Variants in CTNNA3 observed in about 807,000 individuals in gnomAD.
CTNNA3 encodes the protein catenin alpha-3.
Under a neutral mutation model 95.7 loss-of-function variants are expected in CTNNA3, and 76 were observed. That is an observed-to-expected ratio of 0.79 (90% CI 0.66 to 0.96). The LOEUF (loss-of-function observed/expected upper bound fraction) is 0.96, where lower values mean the gene tolerates loss of function less well. Ranked by LOEUF, CTNNA3 falls within the 40% of genes least tolerant of loss-of-function variation. The pLI is 0.00. For synonymous variants in CTNNA3, 431 were observed against 374.4 expected (o/e 1.15, Z -1.74); for missense variants, 1,191 against 1,089.8 (o/e 1.09, Z -1.31).
intron 5 of CTNNA3, among the ~76,000 whole-genome samples, chr10:67,408,230 G>T (rs1291397142): frequency 6.6e-6 from 1 of 152,156 alleles, no homozygotes; most frequent in East Asian, 1.9e-4. Context: ...TACAGAAATA[G>T]AATAAAATAT....
Position 66,807,019 on chromosome 10 carries a change from C to T in CTNNA3, c.1048-31495G>A, listed in dbSNP as rs183946640. Among the ~76,000 whole-genome samples, 59 of 151,886 alleles carry T rather than the reference C, an allele frequency of 3.9e-4. No homozygotes were observed. The Middle Eastern group carries it at 0.01, about 26-fold the overall frequency. ...GATGAAAGCTAATCAAAATGACAAA[C>T]GCTAATCAATGTAGGCAGAAAGGGC... is the stretch of plus-strand genomic sequence containing the variant. On this transcript the variant is annotated intron_variant, in intron 7 of 17. Coordinates refer to ENST00000433211, the MANE Select transcript of CTNNA3 (RefSeq NM_013266.4).
chr10:65,961,435 G>A (rs553202960), intron 17 of CTNNA3, among the ~76,000 whole-genome samples: 14 of 152,144 alleles, frequency 9.2e-5, no homozygotes, highest in East Asian at 1.9e-4. Context: ...TAATTTTGCC[G>A]GTTGCATCCT....
At chr10:66,224,232 T>A (rs1462828) in intron 13 of CTNNA3, among the ~76,000 whole-genome samples, 2 of 151,716 alleles carry the variant, frequency 1.3e-5, no homozygotes, top group Admixed American at 6.6e-5. Context: ...CCAATTTCTC[T>A]TAATAAATCT....
At chr10:66,345,830 C>T (rs1025856996) in intron 12 of CTNNA3, among the ~76,000 whole-genome samples, 1 of 151,900 alleles carries the variant, frequency 6.6e-6, no homozygotes, top group African/African-American at 2.4e-5. Flanking sequence ...AATCCCAGCA[C>T]TTTGGGAGGC....
At chr10:66,115,520 T>C (rs2133795351) in intron 13 of CTNNA3, among the ~76,000 whole-genome samples, 2 of 140,520 alleles carry the variant, frequency 1.4e-5, no homozygotes, top group Middle Eastern at 7.0e-3. Flanking sequence ...GATAGATAGA[T>C]AGATGATAGA....
At position 66,065,852 on chromosome 10, in the gene CTNNA3, A is replaced by G. The variant is rs559890158; in HGVS notation, c.2159+3456T>C. ...CAGTGCCACTTACCAAGTTATTATT[A>G]TTATTATTTTATTTATTTTTATTTT... On this transcript the variant is annotated intron_variant, in intron 15 of 17. Transcript: ENST00000433211. Among the ~76,000 whole-genome samples the G allele has an allele frequency of 2.6e-5, 4 of 151,854 alleles. No individual in the cohort carries two copies. In the East Asian group the frequency reaches 7.7e-4, roughly 29 times the overall value.
rs1451547872 is a variant in CTNNA3 at position 67,049,578 on chromosome 10, C to T, written c.1047+130739G>A. Among the ~76,000 whole-genome samples, 5 of 152,226 alleles carry T rather than the reference C, an allele frequency of 3.3e-5. No homozygotes were observed. The East Asian group carries it at 5.8e-4, about 18-fold the overall frequency. The stretch of plus-strand genomic sequence containing the variant: ...TTCAAGGGTTTATTTCACAAGGTTG[C>T]TTTGTGTTTAACTTGAACAAAAAAG... On this transcript the variant is annotated intron_variant, in intron 7 of 17. Transcript: ENST00000433211.
chr10:67,566,020 C>T (rs1166535772), intron 3 of CTNNA3, among the ~76,000 whole-genome samples: 2 of 60,130 alleles, frequency 3.3e-5, no homozygotes, highest in East Asian at 6.7e-4. Flanking sequence ...CACACAAACA[C>T]ACACACACAC....
chr10:67,507,743 A>T (rs1408908668), intron 5 of CTNNA3, among the ~76,000 whole-genome samples: 2 of 152,156 alleles, frequency 1.3e-5, no homozygotes, highest in South Asian at 2.1e-4. Context: ...ATTACCTGAC[A>T]CCAAAGCCAG....
At chr10:67,028,458 T>A (rs899436745) in intron 7 of CTNNA3, among the ~76,000 whole-genome samples, 1 of 151,386 alleles carries the variant, frequency 6.6e-6, no homozygotes, top group African/African-American at 2.4e-5. Flanking sequence ...AAAAAAAAAA[T>A]CTAGAAGGTA....
chr10:67,609,305 C>T (rs1843381842), intron 2 of CTNNA3, among the ~76,000 whole-genome samples: 2 of 152,266 alleles, frequency 1.3e-5, no homozygotes, highest in East Asian at 3.9e-4. Flanking sequence ...AGTGGAGGCT[C>T]ATGATAATCA....
At chr10:67,701,205 G>A (rs907609431) in intron 1 of CTNNA3, among the ~76,000 whole-genome samples, 1 of 152,206 alleles carries the variant, frequency 6.6e-6, no homozygotes, top group Non-Finnish European at 1.5e-5. Context: ...CACTCTGCAG[G>A]ATATTATCCA....
At chr10:66,231,471 G>C (rs190589123) in intron 13 of CTNNA3, among the ~76,000 whole-genome samples, 1 of 152,078 alleles carries the variant, frequency 6.6e-6, no homozygotes, top group Non-Finnish European at 1.5e-5. Flanking sequence ...ACATTTCATG[G>C]GGAAGGGGGA....
intron 11 of CTNNA3, among the ~76,000 whole-genome samples, chr10:66,414,091 T>C (rs145998078): frequency 0.023 from 3,481 of 152,278 alleles, 131 homozygotes; most frequent in African/African-American, 0.077. Flanking sequence ...TTTTTGTTTG[T>C]TTATTGGTGA....
chr10:65,997,397 T>C (rs2078685593), intron 15 of CTNNA3, among the ~76,000 whole-genome samples: 1 of 152,186 alleles, frequency 6.6e-6, no homozygotes. Flanking sequence ...TGCACACTGG[T>C]CAATCGGTAT....
chr10:67,472,274 C>T lies in CTNNA3; in HGVS notation c.579+49568G>A, dbSNP rs139055536. ...GCACTTCTACACAGAGATATGAATACTAATCACTCTATACATAGAATTACA... is the reference window on the plus strand; with the variant it reads ...GCACTTCTACACAGAGATATGAATATTAATCACTCTATACATAGAATTACA... On this transcript the variant is annotated intron_variant, in intron 5 of 17. Coordinates refer to ENST00000433211, the MANE Select transcript of CTNNA3 (RefSeq NM_013266.4). Among the ~76,000 whole-genome samples, 332 of 152,288 alleles carry T rather than the reference C, an allele frequency of 2.2e-3. 1 individual carries two copies. The highest frequency in any genetic ancestry group is 2.6e-3 in the Non-Finnish European group (176 of 68,028).
chr10:66,391,678 C>T (rs562795354), intron 11 of CTNNA3, among the ~76,000 whole-genome samples: 1 of 152,166 alleles, frequency 6.6e-6, no homozygotes, highest in African/African-American at 2.4e-5. Context: ...AGCTTCATTG[C>T]TCTGTAGGAC....
chr10:66,957,401 T>TATATATATGC (rs1554886314), intron 7 of CTNNA3, among the ~76,000 whole-genome samples: 759 of 30,076 alleles, frequency 0.025, 4 homozygotes, highest in Admixed American at 0.07. Context: ...TACATATATA[T>TATATATATGC]ATATATATAT....
At chr10:67,454,289 C>T (rs149527035) in intron 5 of CTNNA3, among the ~76,000 whole-genome samples, 47 of 152,178 alleles carry the variant, frequency 3.1e-4, no homozygotes, top group African/African-American at 1.1e-3. Flanking sequence ...GATCAGAATT[C>T]TCGTGGTTAT....
Sources: gnomAD v4.1 joint callset for allele counts (sites outside exome capture counted in the v4.1 genomes callset) on GRCh38, gnomAD v4.1.1 for gene constraint, MANE v1.5 for transcripts, NCBI Gene and HGNC (gene_info 2026-07-23, HGNC 2026-07-21) for gene names.